TMEM207: variants seen among roughly 807,000 people sequenced by gnomAD.
TMEM207 encodes transmembrane protein 207.
TMEM207 carries 15 observed loss-of-function variants against 17.4 expected under a neutral mutation model. That is an observed-to-expected ratio of 0.86 (90% CI 0.58 to 1.33). TMEM207 has a LOEUF of 1.33. TMEM207 is among the 40% of genes most tolerant of loss of function. TMEM207 has a pLI of 0.00. For missense variants in TMEM207, 205 were observed against 173.8 expected (o/e 1.18, Z -1.01); for synonymous variants, 70 against 65.6 (o/e 1.07, Z -0.33).
chr3:190,439,725 A>T (rs1431353869), intron 4 of TMEM207, among the ~76,000 whole-genome samples: 1 of 152,194 alleles, frequency 6.6e-6, no homozygotes, highest in Non-Finnish European at 1.5e-5. Context: ...CAGGATCAGG[A>T]CGCTGAGATG....
intron 3 of TMEM207, among the ~76,000 whole-genome samples, chr3:190,441,235 T>C (rs1342897156): frequency 6.6e-6 from 1 of 152,198 alleles, no homozygotes; most frequent in African/African-American, 2.4e-5. Context: ...TAAGCTTATT[T>C]TTTAAAATAG....
At chr3:190,444,600 G>A (rs918730915) in intron 2 of TMEM207, 9 of 265,446 alleles carry the variant, frequency 3.4e-5, no homozygotes, top group African/African-American at 1.6e-4. Flanking sequence ...AGTAAATACC[G>A]TATATAAAAT....
At chr3:190,436,441 G>C (rs1483750473) in intron 4 of TMEM207, among the ~76,000 whole-genome samples, 1 of 152,160 alleles carries the variant, frequency 6.6e-6, no homozygotes, top group East Asian at 1.9e-4. Flanking sequence ...GGGACTGTGA[G>C]GGAAATTCAG....
chr3:190,442,511 C>T (rs10937432), intron 2 of TMEM207, among the ~76,000 whole-genome samples: 128,018 of 152,220 alleles, frequency 0.84, 54,411 homozygotes, highest in African/African-American at 0.96. Context: ...TTTAAAAATT[C>T]TATCACAAAC....
At chr3:190,444,599 C>T (rs768321087) in intron 2 of TMEM207, 45 of 265,688 alleles carry the variant, frequency 1.7e-4, no homozygotes, top group Middle Eastern at 1.9e-3. Context: ...TAGTAAATAC[C>T]GTATATAAAA....
chr3:190,446,120 G>A (rs1440455768), intron 2 of TMEM207, among the ~76,000 whole-genome samples: 5 of 151,920 alleles, frequency 3.3e-5, no homozygotes, highest in Non-Finnish European at 7.4e-5. Context: ...CCATCTTTAC[G>A]GTCCTTTTCA....
At chr3:190,444,540 G>A (rs2108538545) in intron 2 of TMEM207, 1 of 792,764 alleles carries the variant, frequency 1.3e-6, no homozygotes, top group South Asian at 5.8e-5. Flanking sequence ...GCCTGGTGAG[G>A]ATCAGACAGA....
intron 4 of TMEM207, among the ~76,000 whole-genome samples, 183 bp from the exon 5 acceptor site, chr3:190,429,914 GAAA>G (rs35489958): frequency 1.6e-5 from 2 of 127,032 alleles, no homozygotes; most frequent in African/African-American, 7.2e-5. Context: ...CCACAGGGGG[GAAA>G]AAAAAAATTG....
chr3:190,429,059 T>G lies in TMEM207; in HGVS notation c.*536A>C, dbSNP rs147137977. The G allele has an allele frequency of 6.6e-6, 1 of 152,620 alleles. No individual in the cohort carries two copies. Among genetic ancestry groups the G allele is most frequent in the Non-Finnish European group, 1.5e-5 (1 of 68,184 alleles). The allele number at this position is 152,620 out of a possible 1,614,324, so 9.5% of individuals were successfully genotyped here. A position where few individuals can be genotyped will look rare whatever the true frequency, so the allele number is the denominator to read the frequency against. On this transcript the variant is annotated 3_prime_UTR_variant, in exon 5 of 5. Coordinates refer to ENST00000354905, the MANE Select transcript of TMEM207 (RefSeq NM_207316.3). ...CTCTTGTTTTTGCTGAGACTTGTAA[T>G]CTTTTCCTTTTCCTCTTCATTTATC...
Position 190,429,594 on chromosome 3 carries a change from A to C in TMEM207, c.*1T>G. The C allele has an allele frequency of 6.2e-7, 1 of 1,613,300 alleles. No homozygotes were observed. Among genetic ancestry groups the C allele is most frequent in the Non-Finnish European group, 8.5e-7 (1 of 1,179,502 alleles). On this transcript the variant is annotated 3_prime_UTR_variant, in exon 5 of 5. Coordinates refer to ENST00000354905, the MANE Select transcript of TMEM207 (RefSeq NM_207316.3). ...TTTAAATTGATAATCCACACCTAAA[A>C]TCAGGTTGTTTTTACAATTTCTTCA...
chr3:190,449,692 A>T (rs1720119172), intron 1 of TMEM207, 43 bp downstream of exon 1: 2 of 1,574,290 alleles, frequency 1.3e-6, no homozygotes, highest in Non-Finnish European at 1.7e-6. Context: ...AGAGTACCTC[A>T]GAGTACCTCT....
At chr3:190,443,830 G>T (rs914319467) in intron 2 of TMEM207, among the ~76,000 whole-genome samples, 1 of 152,150 alleles carries the variant, frequency 6.6e-6, no homozygotes, top group Admixed American at 6.5e-5. Flanking sequence ...GGTCAAATTG[G>T]TATGATTATG....
intron 1 of TMEM207, among the ~76,000 whole-genome samples, chr3:190,449,142 C>A (rs1192607794): frequency 2.0e-5 from 3 of 152,140 alleles, no homozygotes; most frequent in Admixed American, 2.0e-4. Context: ...ATTATTAGCA[C>A]CTCACTGCCA....
chr3:190,440,904 TA>T (rs1192681157), intron 3 of TMEM207, among the ~76,000 whole-genome samples: 3 of 151,980 alleles, frequency 2.0e-5, no homozygotes, highest in South Asian at 2.1e-4. Context: ...CCGTCTCTAC[TA>T]AAAAATACAA....
intron 2 of TMEM207, among the ~76,000 whole-genome samples, chr3:190,447,004 A>G (rs1047590881): frequency 2.6e-5 from 4 of 152,182 alleles, no homozygotes; most frequent in African/African-American, 9.7e-5. Flanking sequence ...AAATTTAATA[A>G]GCAGATTGTT....
intron 4 of TMEM207, among the ~76,000 whole-genome samples, chr3:190,433,492 T>C (rs984411420): frequency 3.9e-5 from 6 of 152,174 alleles, no homozygotes; most frequent in Admixed American, 6.5e-5. Context: ...TTTTACCCTA[T>C]CATAATTATA....
Position 190,429,495 on chromosome 3 carries a change from T to A in TMEM207, c.*100A>T. The A allele has an allele frequency of 1.3e-6, 2 of 1,506,788 alleles. No individual in the cohort carries two copies. Among genetic ancestry groups the A allele is most frequent in the Non-Finnish European group, 1.8e-6 (2 of 1,103,510 alleles). The allele number at this position is 1,506,788 out of a possible 1,614,324, so 93.3% of individuals were successfully genotyped here. On this transcript the variant is annotated 3_prime_UTR_variant, in exon 5 of 5. Coordinates refer to ENST00000354905, the MANE Select transcript of TMEM207 (RefSeq NM_207316.3). ...TCCTTCCTCAGACTATATGAATAGA[T>A]CTCTGGACATTTCCAACAACTGAAA...
At chr3:190,431,275 G>C (rs1719686681) in intron 4 of TMEM207, among the ~76,000 whole-genome samples, 3 of 151,938 alleles carry the variant, frequency 2.0e-5, no homozygotes, top group South Asian at 4.1e-4. Flanking sequence ...TAAAAGCAAG[G>C]CTAAATGAGC....
chr3:190,442,453 C>T (rs2108537226), intron 2 of TMEM207, among the ~76,000 whole-genome samples: 1 of 152,310 alleles, frequency 6.6e-6, no homozygotes, highest in Admixed American at 6.5e-5. Flanking sequence ...TGTGTCATCC[C>T]ATCATCATAC....
Sources: allele counts gnomAD v4.1 joint callset (sites outside exome capture counted in the v4.1 genomes callset), GRCh38; gene constraint gnomAD v4.1.1; transcripts MANE v1.5; gene names NCBI Gene and HGNC (gene_info 2026-07-23, HGNC 2026-07-21).